The following USP9X variants were observed in gnomAD, a reference collection of about 807,000 sequenced individuals.
USP9X encodes ubiquitin specific peptidase 9 X-linked.
USP9X carries 7 observed loss-of-function variants against 190.3 expected under a neutral mutation model. The ratio of observed to expected loss-of-function variants is 0.04; its 90% CI spans 0.02 to 0.07. USP9X has a LOEUF of 0.07. Among genes scored for constraint, USP9X ranks in the 10% least tolerant of loss-of-function variants. The pLI is 1.00. For synonymous variants in USP9X, 645 were observed against 659.5 expected (o/e 0.98, Z 0.34); for missense variants, 1,010 against 1,916.9 (o/e 0.53, Z 8.83).
In USP9X at chrX:41,211,835, G is replaced by A. The variant is rs770995273; in HGVS notation, c.5189+1153G>A. Among the ~76,000 whole-genome samples the A allele has an allele frequency of 7.8e-3, 819 of 105,584 alleles. 10 individuals carry two copies. Among genetic ancestry groups the A allele is most frequent in the Non-Finnish European group, 0.013 (678 of 50,445 alleles). The allele number at this position is 105,584 out of a possible 115,157, so 91.7% of individuals were successfully genotyped here. On this transcript the variant is annotated intron_variant, in intron 33 of 44. Coordinates refer to ENST00000378308, the MANE Select transcript of USP9X (RefSeq NM_001039591.3). Reference sequence around the variant, plus strand: ...GGACAGCCGCCCCGTCCGGGAGGGAGGTGGGGGGGTCAGCCCCCCGCCCGG... The same window carrying A: ...GGACAGCCGCCCCGTCCGGGAGGGAAGTGGGGGGGTCAGCCCCCCGCCCGG...
intron 30 of USP9X, among the ~76,000 whole-genome samples, chrX:41,199,975 T>C (rs2063027756): frequency 9.0e-6 from 1 of 111,652 alleles, no homozygotes; most frequent in African/African-American, 3.3e-5. Context: ...AAAATATTAA[T>C]AACAGAAAAA....
chrX:41,214,788 A>G (rs758867997), intron 34 of USP9X, 79 bp downstream of exon 34: 2 of 991,284 alleles, frequency 2.0e-6, no homozygotes, highest in Non-Finnish European at 2.7e-6. Flanking sequence ...GTTCATCCTC[A>G]CAAGTCACCC....
intron 14 of USP9X, 49 bp downstream of exon 14, chrX:41,153,130 T>C: frequency 1.8e-6 from 2 of 1,113,163 alleles, no homozygotes; most frequent in Non-Finnish European, 2.4e-6. Flanking sequence ...AGGGACCTTT[T>C]TTTGCATTAA....
At chrX:41,140,863 A>G (rs2062416626) in intron 7 of USP9X, 92 bp downstream of exon 7, 14 of 1,085,613 alleles carry the variant, frequency 1.3e-5, no homozygotes, top group Admixed American at 3.4e-5. Context: ...TGGTTTCTTC[A>G]ACTAATAACT....
At chrX:41,127,503 CAG>C (rs2062266314) in intron 2 of USP9X, among the ~76,000 whole-genome samples, 1 of 111,733 alleles carries the variant, frequency 8.9e-6, no homozygotes, top group South Asian at 3.7e-4. Flanking sequence ...ACCTGTATAT[CAG>C]GGGGCAAGGA....
Position 41,235,870 on chromosome X carries a change from A to C in USP9X, c.*3346A>C. The C allele has an allele frequency of 8.9e-6, 1 of 111,927 alleles. No individual in the cohort carries two copies. Among genetic ancestry groups the C allele is most frequent in the Non-Finnish European group, 1.9e-5 (1 of 53,088 alleles). The allele number at this position is 111,927 out of a possible 1,213,427, so 9.2% of individuals were successfully genotyped here. On this transcript the variant is annotated 3_prime_UTR_variant, in exon 45 of 45. Transcript: ENST00000378308. ...TCGTAGTGGTTAGAAAGATGAGGAG[A>C]CTTTTTTGACTTACATTTGTAAATG...
rs368381992 is a variant in USP9X, at chrX:41,152,962, G to C, written c.1778G>C (p.Ser593Thr). 7.5e-6 allele frequency: 9 copies of C among 1,205,657 alleles called. No homozygotes were observed. Among genetic ancestry groups the C allele is most frequent in the Non-Finnish European group, 1.0e-5 (9 of 893,318 alleles). Residue 593 changes from serine (S) to threonine (T), a missense_variant, in exon 14 of 45, where the codon AGT becomes ACT. Ser to Thr is a moderately conservative substitution (Grantham distance 58). This residue lies in a region of USP9X where 104 missense variants were observed against 239.8 expected (regional missense o/e 0.43). Coordinates refer to ENST00000378308, the MANE Select transcript of USP9X (RefSeq NM_001039591.3). ...APQNLSQTQR[S>T]PHVFYRHDLI... is the part of the protein sequence containing the mutation. ...TCTCGTTTCAGTCAAACTCAGCGAA[G>C]TCCCCATGTGTTTTATCGCCATGAC...
At chrX:41,225,646 A>T (rs1156251823) in intron 41 of USP9X, among the ~76,000 whole-genome samples, 2 of 112,496 alleles carry the variant, frequency 1.8e-5, no homozygotes, top group Non-Finnish European at 3.8e-5. Flanking sequence ...GAGGAAATAC[A>T]GAATTAGGTT....
intron 37 of USP9X, among the ~76,000 whole-genome samples, 169 bp from the exon 38 acceptor site, chrX:41,218,933 C>A (rs758827117): frequency 1.8e-5 from 2 of 111,370 alleles, no homozygotes; most frequent in Admixed American, 9.6e-5. Flanking sequence ...TAATGAAATC[C>A]GCCTCTGATC....
chrX:41,191,418 C>T (rs983740131), intron 26 of USP9X, among the ~76,000 whole-genome samples: 9 of 110,941 alleles, frequency 8.1e-5, no homozygotes, highest in Non-Finnish European at 1.5e-4. Flanking sequence ...TACAAATCTG[C>T]CCCTCAGATG....
At chrX:41,145,400 C>T (rs963926864) in intron 11 of USP9X, among the ~76,000 whole-genome samples, 3 of 111,848 alleles carry the variant, frequency 2.7e-5, no homozygotes, top group Non-Finnish European at 3.8e-5. Flanking sequence ...CACCAGGATA[C>T]GTGTTCAGCA....
chrX:41,202,401 ATGTTTG>A (rs1402513299), intron 31 of USP9X, among the ~76,000 whole-genome samples: 2 of 112,378 alleles, frequency 1.8e-5, no homozygotes. Flanking sequence ...AGTTGTGGTC[ATGTTTG>A]TGCTTACCAT....
chrX:41,146,159 A>G (rs945542058), intron 11 of USP9X, among the ~76,000 whole-genome samples: 2 of 111,801 alleles, frequency 1.8e-5, no homozygotes, highest in Admixed American at 9.5e-5. Context: ...GGTTGTTATT[A>G]TATCTGCTGT....
intron 33 of USP9X, among the ~76,000 whole-genome samples, chrX:41,212,325 G>C (rs1300047269): frequency 9.3e-6 from 1 of 107,396 alleles, no homozygotes; most frequent in African/African-American, 3.4e-5. Flanking sequence ...CAAACACTGC[G>C]GAAGGCCGCA....
At chrX:41,127,744 T>C (rs191186773) in intron 2 of USP9X, among the ~76,000 whole-genome samples, 63 of 112,383 alleles carry the variant, frequency 5.6e-4, no homozygotes, top group Middle Eastern at 4.6e-3. Flanking sequence ...AACATATTAA[T>C]GCTGGTAAAC....
intron 21 of USP9X, among the ~76,000 whole-genome samples, chrX:41,183,084 G>A (rs1272620422): frequency 2.7e-5 from 3 of 109,793 alleles, no homozygotes; most frequent in African/African-American, 9.9e-5. Flanking sequence ...GATTACAGGC[G>A]CATGCCACCA....
intron 41 of USP9X, among the ~76,000 whole-genome samples, chrX:41,227,935 C>T (rs1014716769): frequency 5.0e-4 from 56 of 112,134 alleles, no homozygotes; most frequent in African/African-American, 1.7e-3. Flanking sequence ...CTCCTGACCT[C>T]GTGATCCGCC....
At position 41,168,229 on chromosome X, in the gene USP9X, A is replaced by G. The variant is rs372613644; in HGVS notation, c.2636+11A>G. On this transcript the variant is annotated intron_variant, in intron 18 of 44. Transcript: ENST00000378308. ...TCTCCCTATGTCGAGGTTTGTGAAT[A>G]ACTAATCTATTGGTGCTAATTCTTA... 1.0e-5 allele frequency: 12 copies of G among 1,158,719 alleles called. No homozygotes were observed. In the African/African-American group the frequency reaches 2.1e-4, roughly 21 times the overall value.
rs1225666956 is a variant in USP9X, at chrX:41,172,095, C to T, written c.3148+137C>T. ...ACAGATGACAGCCCACAAGCCACAT[C>T]AAGCCCCCTGCTTGTTTTTGTGCAT... On this transcript the variant is annotated intron_variant, in intron 21 of 44. Transcript: ENST00000378308. The T allele has an allele frequency of 7.4e-6, 5 of 677,058 alleles. No homozygotes were observed. In the East Asian group the frequency reaches 1.5e-4, roughly 20 times the overall value. 55.8% of individuals were successfully genotyped at this position (677,058 alleles called of 1,213,427 possible).
Sources: gnomAD v4.1 joint callset for allele counts (sites outside exome capture counted in the v4.1 genomes callset) on GRCh38, gnomAD v4.1.1 for gene constraint, gnomAD v4.1.1 regional missense constraint, MANE v1.5 for transcripts, NCBI Gene and HGNC (gene_info 2026-07-23, HGNC 2026-07-21) for gene names.